The following AHI1 variants were observed in gnomAD, a reference collection of about 807,000 sequenced individuals.
AHI1 encodes the protein Abelson helper integration site 1, also known as jouberin.
A neutral mutation model predicts 149.3 loss-of-function variants in AHI1; 123 were observed. The observed-to-expected ratio is 0.82, with a 90% CI of 0.71 to 0.96. The LOEUF (loss-of-function observed/expected upper bound fraction) is 0.96, where lower values mean the gene tolerates loss of function less well. Among genes scored for constraint, AHI1 ranks in the 40% least tolerant of loss-of-function variants. The pLI, the probability that AHI1 is intolerant of heterozygous loss-of-function variation, is 0.00. For synonymous variants in AHI1, 475 were observed against 459.8 expected, an observed-to-expected ratio of 1.03 and a Z score of -0.42; for missense variants, 1,439 against 1,422.7, an observed-to-expected ratio of 1.01 and a Z score of -0.18.
chr6:135,305,342 A>G (rs1446073463), intron 26 of AHI1, among the ~76,000 whole-genome samples: 1 of 152,208 alleles, frequency 6.6e-6, no homozygotes, highest in African/African-American at 2.4e-5. Flanking sequence ...TAAATATAGC[A>G]ATTTTTCTGG....
At chr6:135,375,524 G>A (rs1254312297) in intron 23 of AHI1, among the ~76,000 whole-genome samples, 1 of 152,168 alleles carries the variant, frequency 6.6e-6, no homozygotes, top group Non-Finnish European at 1.5e-5. Context: ...GGGGACAAGT[G>A]GATGGACATT....
At chr6:135,462,061 TTATA>T (rs886332408) in intron 8 of AHI1, among the ~76,000 whole-genome samples, 18 of 152,074 alleles carry the variant, frequency 1.2e-4, no homozygotes, top group African/African-American at 3.9e-4. Flanking sequence ...GCTTAGTGCT[TTATA>T]TATATAGAAA....
At position 135,433,159 on chromosome 6, in the gene AHI1, G is replaced by C; in HGVS notation, c.2134C>G (p.Leu712Val). 1 of 1,612,684 alleles carries C rather than the reference G, an allele frequency of 6.2e-7. No individual in the cohort carries two copies. Among genetic ancestry groups the C allele is most frequent in the Non-Finnish European group, 8.5e-7 (1 of 1,178,844 alleles). The change falls in exon 16 of 29, where the codon CTA (leucine) becomes GTA (valine). Residue 712 changes from leucine (L) to valine (V), a missense_variant. Transcript: ENST00000265602. ...TAKFHPAVRE[L>V]VVTGCYDSMI... ...GAATCATAGCATCCTGTAACTACTAGCTCTCTTACAGCTGGATGGAATTTA... is the reference window on the plus strand; with the variant it reads ...GAATCATAGCATCCTGTAACTACTACCTCTCTTACAGCTGGATGGAATTTA...
chr6:135,489,284 T>C (rs1289808523), intron 5 of AHI1, among the ~76,000 whole-genome samples: 1 of 152,142 alleles, frequency 6.6e-6, no homozygotes, highest in African/African-American at 2.4e-5. Flanking sequence ...ACCTCACACT[T>C]ATGTGCCCCT....
chr6:135,410,364 T>C (rs1170044903), intron 21 of AHI1, among the ~76,000 whole-genome samples: 1 of 152,190 alleles, frequency 6.6e-6, no homozygotes, highest in Non-Finnish European at 1.5e-5. Flanking sequence ...AGTGAGACCC[T>C]GTCTCTAAAT....
intron 23 of AHI1, among the ~76,000 whole-genome samples, chr6:135,378,046 T>G (rs1375447132): frequency 1.3e-5 from 2 of 152,196 alleles, no homozygotes; most frequent in Non-Finnish European, 2.9e-5. Flanking sequence ...TCTCCATGAT[T>G]AGTATTTGTT....
At position 135,427,157 on chromosome 6, in the gene AHI1, G is replaced by T; in HGVS notation, c.2764+10C>A. On this transcript the variant is annotated intron_variant, in intron 20 of 28. Coordinates refer to ENST00000265602, the MANE Select transcript of AHI1 (RefSeq NM_001134831.2). ...CTAAAAATTCTTTACTTATCAAGTG[G>T]TAGACTTACCATGGAAATCGTAAAT... 6.2e-7 allele frequency: 1 copy of T among 1,607,644 alleles called. No individual in the cohort carries two copies. The highest frequency in any genetic ancestry group is 8.5e-7 in the Non-Finnish European group (1 of 1,176,012).
In AHI1 at chr6:135,457,619, G is replaced by C; in HGVS notation, c.1026C>G (p.Asp342Glu). The C allele has an allele frequency of 6.2e-7, 1 of 1,613,860 alleles. No homozygotes were observed. The highest frequency in any genetic ancestry group is 1.1e-5 in the South Asian group (1 of 91,076). ...GGTGAATGTAAACTCCCAAGACAAGGTCATCATCAAGCAAACATTTGGGAT... is the reference window on the plus strand; with the variant it reads ...GGTGAATGTAAACTCCCAAGACAAGCTCATCATCAAGCAAACATTTGGGAT... ...PVYPKCLLDDDLVLGVYIHRT... is the reference protein window; with the variant it reads ...PVYPKCLLDDELVLGVYIHRT... Residue 342 changes from aspartate to glutamate, a missense_variant, in exon 9 of 29, where the codon GAC (aspartate) becomes GAG (glutamate). Transcript: ENST00000265602.
chr6:135,302,089 T>C, intron 26 of AHI1: 2 of 974,946 alleles, frequency 2.1e-6, no homozygotes, highest in Non-Finnish European at 2.4e-6. Flanking sequence ...ACTCCTGGGC[T>C]CAAGCAATCC....
chr6:135,305,820 C>G (rs1346710815), intron 26 of AHI1, among the ~76,000 whole-genome samples: 1 of 152,210 alleles, frequency 6.6e-6, no homozygotes, highest in Non-Finnish European at 1.5e-5. Context: ...TTGTTCAGGT[C>G]TAGCTTTTTC....
chr6:135,345,546 C>T lies in AHI1; in HGVS notation c.3165+12586G>A, dbSNP rs554193202. On this transcript the variant is annotated intron_variant, in intron 24 of 28. Transcript: ENST00000265602. ...ACATGGATGAACCTTGAAAACATTACGGTAAGTGAAAAAAGACAGACACAA... is the reference window on the plus strand; with the variant it reads ...ACATGGATGAACCTTGAAAACATTATGGTAAGTGAAAAAAGACAGACACAA... 6.6e-5 allele frequency among the ~76,000 whole-genome samples: 10 copies of T among 152,012 alleles called. No homozygotes were observed. The South Asian group carries it at 1.2e-3, about 19-fold the overall frequency.
chr6:135,465,684 T>C, intron 7 of AHI1, 130 bp downstream of exon 7: 1 of 723,520 alleles, frequency 1.4e-6, no homozygotes, highest in Non-Finnish European at 2.0e-6. Flanking sequence ...TTAGCTGTTC[T>C]TATCTTAGTG....
At chr6:135,476,035 T>C (rs953188502) in intron 5 of AHI1, among the ~76,000 whole-genome samples, 1 of 152,252 alleles carries the variant, frequency 6.6e-6, no homozygotes, top group Non-Finnish European at 1.5e-5. Context: ...TCACACTTTT[T>C]TAAGGTGAAA....
At chr6:135,304,020 T>TTA (rs1562465674) in intron 26 of AHI1, among the ~76,000 whole-genome samples, 46 of 152,342 alleles carry the variant, frequency 3.0e-4, no homozygotes, top group African/African-American at 1.1e-3. Context: ...AATGTATGTA[T>TTA]GTATATATTT....
intron 5 of AHI1, among the ~76,000 whole-genome samples, chr6:135,482,893 G>GTTTTTTTTTTTTTTTTTTTTTTTTTT (rs1491384083): frequency 5.2e-4 from 3 of 5,784 alleles, no homozygotes; most frequent in Admixed American, 2.3e-3. Context: ...TCCATTTAAG[G>GTTTTTTTTTTTTTTTTTTTTTTTTTT]CTTTTTTTTT....
intron 15 of AHI1, among the ~76,000 whole-genome samples, chr6:135,437,429 A>G (rs1785576323): frequency 6.6e-6 from 1 of 152,230 alleles, no homozygotes; most frequent in Admixed American, 6.5e-5. Context: ...ATTGTCAAAA[A>G]GGAGTAATAG....
chr6:135,399,020 CA>C (rs963432716), intron 22 of AHI1, among the ~76,000 whole-genome samples: 5 of 151,876 alleles, frequency 3.3e-5, no homozygotes, highest in African/African-American at 1.2e-4. Context: ...CTCATCTCTA[CA>C]AAAAAATAAA....
At chr6:135,428,150 G>C (rs1206264652) in intron 19 of AHI1, among the ~76,000 whole-genome samples, 1 of 151,576 alleles carries the variant, frequency 6.6e-6, no homozygotes, top group African/African-American at 2.4e-5. Context: ...GCTTCCCAAT[G>C]TAATTGTTTA....
rs1790983066 is a variant in AHI1 at position 135,467,580 on chromosome 6, C to A, written c.189+1G>T. 1.9e-6 allele frequency: 3 copies of A among 1,606,548 alleles called. No homozygotes were observed. The highest frequency in any genetic ancestry group is 2.6e-6 in the Non-Finnish European group (3 of 1,173,754). ...AGGCTGTTAGTGTTAGCAGTACTTA[C>A]ATCATCACTTGTAGTTTCTTTCATA... On this transcript the variant is annotated splice_donor_variant, in intron 6 of 28. Transcript: ENST00000265602. LOFTEE classifies it high-confidence loss of function.
Sources: gnomAD v4.1 joint callset for allele counts (sites outside exome capture counted in the v4.1 genomes callset) on GRCh38, gnomAD v4.1.1 for gene constraint, MANE v1.5 for transcripts, NCBI Gene and HGNC (gene_info 2026-07-23, HGNC 2026-07-21) for gene names.